The following SRSF3 variants were observed in gnomAD, a reference collection of about 807,000 sequenced individuals.
The protein encoded by SRSF3 is serine/arginine-rich splicing factor 3.
For synonymous variants in SRSF3, 87 were observed against 73.6 expected (o/e 1.18, Z -0.93); for missense variants, 58 against 217.1 (o/e 0.27, Z 4.61).
rs1778713372 is a variant in SRSF3, at chr6:36,601,378, G to A, written c.380+188G>A. ...GAAAGTATTTAATTTTTTAAAAAAG[G>A]ATCTGTCACCCAGGCTGGAGTGCAG... On this transcript the variant is annotated intron_variant, in intron 4 of 5. Coordinates refer to ENST00000373715, the MANE Select transcript of SRSF3 (RefSeq NM_003017.5). The A allele has an allele frequency of 1.3e-5, 8 of 638,958 alleles. No homozygotes were observed. In the South Asian group the frequency reaches 1.7e-4, roughly 14 times the overall value. 39.6% of individuals were successfully genotyped at this position (638,958 alleles called of 1,614,324 possible).
At position 36,601,690 on chromosome 6, in the gene SRSF3, G is replaced by A; in HGVS notation, c.381-18G>A. The stretch of plus-strand genomic sequence containing the variant: ...TTTATCATACCTCATTGGTCCTAAT[G>A]TTTTTTTGCTTGTTTAGGTCCCTTT... On this transcript the variant is annotated intron_variant, in intron 4 of 5. Coordinates refer to ENST00000373715, the MANE Select transcript of SRSF3 (RefSeq NM_003017.5). 4 of 1,581,620 alleles carry A rather than the reference G, an allele frequency of 2.5e-6. No individual in the cohort carries two copies. Among genetic ancestry groups the A allele is most frequent in the Non-Finnish European group, 3.5e-6 (4 of 1,155,108 alleles).
intron 2 of SRSF3, 134 bp from the exon 3 acceptor site, chr6:36,598,715 C>A: frequency 1.9e-6 from 2 of 1,073,710 alleles, no homozygotes; most frequent in Non-Finnish European, 2.7e-6. Context: ...AATAAGGGAG[C>A]TAGAAATTTG....
intron 3 of SRSF3, chr6:36,599,323 T>C (rs1302051958): frequency 4.4e-6 from 1 of 229,762 alleles, no homozygotes; most frequent in African/African-American, 2.3e-5. Flanking sequence ...ACTCTAGCTC[T>C]TCACAAATTT....
At chr6:36,597,095 A>ATATT in intron 2 of SRSF3, 127 bp downstream of exon 2, 1 of 493,862 alleles carries the variant, frequency 2.0e-6, no homozygotes. Context: ...TACAATTGGG[A>ATATT]TCTTTTTTTT....
intron 2 of SRSF3, among the ~76,000 whole-genome samples, chr6:36,597,802 T>C (rs1448333327): frequency 7.0e-6 from 1 of 143,292 alleles, no homozygotes; most frequent in African/African-American, 2.6e-5. Context: ...GGAATAATGG[T>C]CTTTTTTTTT....
intron 2 of SRSF3, chr6:36,598,382 A>G (rs1778665824): frequency 6.6e-6 from 1 of 152,152 alleles, no homozygotes; most frequent in Non-Finnish European, 1.5e-5. Flanking sequence ...AAACTGGGAA[A>G]CAAGCTTATT....
Position 36,598,835 on chromosome 6 carries a change from C to T in SRSF3, c.207-14C>T, listed in dbSNP as rs1426380721. 3.7e-6 allele frequency: 6 copies of T among 1,610,228 alleles called. No homozygotes were observed. The highest frequency in any genetic ancestry group is 4.2e-6 in the Non-Finnish European group (5 of 1,179,222). ...AGTCAGGCTGTTTTAAGTTTAATATCTTTGCCCCCTCAGAACACTATGTGG... is the reference window on the plus strand; with the variant it reads ...AGTCAGGCTGTTTTAAGTTTAATATTTTTGCCCCCTCAGAACACTATGTGG... On this transcript the variant is annotated splice_polypyrimidine_tract_variant and intron_variant, in intron 2 of 5. Coordinates refer to ENST00000373715, the MANE Select transcript of SRSF3 (RefSeq NM_003017.5).
chr6:36,597,044 T>G lies in SRSF3; in HGVS notation c.206+76T>G, dbSNP rs867574106. On this transcript the variant is annotated intron_variant, in intron 2 of 5. Transcript: ENST00000373715. ...TTAAAATCTACAGGATATGTGGCTC[T>G]TAGATGGCTTTCCCAATCACTGGCC... is the stretch of plus-strand genomic sequence containing the variant. 51 of 1,336,022 alleles carry G rather than the reference T, an allele frequency of 3.8e-5. 1 individual carries two copies. The Middle Eastern group carries it at 6.4e-3, about 167-fold the overall frequency. The allele number at this position is 1,336,022 out of a possible 1,614,324, so 82.8% of individuals were successfully genotyped here. A position where few individuals can be genotyped will look rare whatever the true frequency, so the allele number is the denominator to read the frequency against.
Position 36,601,777 on chromosome 6 carries a change from C to T in SRSF3, c.450C>T (p.Ser150=). The stretch of plus-strand genomic sequence containing the variant: ...AGAGAAATCACAAGCCGTCCCGATC[C>T]TTCTCTAGGTCTCGTAGGTAAGATC... ...SRERNHKPSR[S]FSRSRSRSRS... The change falls in exon 5 of 6, where the codon TCC becomes TCT. Residue 150 remains serine (S), a synonymous_variant. Coordinates refer to ENST00000373715, the MANE Select transcript of SRSF3 (RefSeq NM_003017.5). The T allele has an allele frequency of 6.2e-7, 1 of 1,609,266 alleles. No individual in the cohort carries two copies. Among genetic ancestry groups the T allele is most frequent in the South Asian group, 1.1e-5 (1 of 90,816 alleles).
At chr6:36,594,525 A>T (rs1225815124) in intron 1 of SRSF3, 44 bp downstream of exon 1, 1 of 152,332 alleles carries the variant, frequency 6.6e-6, no homozygotes, top group Non-Finnish European at 1.5e-5. Flanking sequence ...AATGGAATTT[A>T]ACAGTACCAA....
At chr6:36,594,627 G>C (rs1052909591) in intron 1 of SRSF3, 146 bp downstream of exon 1, 1 of 152,324 alleles carries the variant, frequency 6.6e-6, no homozygotes. Flanking sequence ...GGGGGCTCCC[G>C]GCCCATCGGA....
intron 2 of SRSF3, 126 bp from the exon 3 acceptor site, chr6:36,598,723 T>A (rs767970828): frequency 3.4e-5 from 39 of 1,156,666 alleles, no homozygotes; most frequent in Non-Finnish European, 4.8e-5. Context: ...AGCTAGAAAT[T>A]TGATGTTAAA....
In SRSF3 at chr6:36,604,237, T is replaced by G. The variant is rs1490060388; in HGVS notation, c.*2248T>G. 4.6e-6 allele frequency: 1 copy of G among 218,714 alleles called. No individual in the cohort carries two copies. The highest frequency in any genetic ancestry group is 2.2e-5 in the African/African-American group (1 of 44,630). The allele number at this position is 218,714 out of a possible 1,614,324, so 13.5% of individuals were successfully genotyped here. A position where few individuals can be genotyped will look rare whatever the true frequency, so the allele number is the denominator to read the frequency against. ...TAGACCTGTGGTTTAAGGATCAAGG[T>G]GTTCACTAGAAGTCACTGTTACTAA... On this transcript the variant is annotated 3_prime_UTR_variant, in exon 6 of 6. Transcript: ENST00000373715.
chr6:36,596,023 C>T (rs917699388), intron 1 of SRSF3, among the ~76,000 whole-genome samples: 35 of 151,910 alleles, frequency 2.3e-4, no homozygotes, highest in Non-Finnish European at 4.9e-4. Flanking sequence ...CTCGCGGGTT[C>T]AAGCGATTGT....
chr6:36,601,672 T>TA, intron 4 of SRSF3, 36 bp from the exon 5 acceptor site: 1 of 1,522,172 alleles, frequency 6.6e-7, no homozygotes, highest in Non-Finnish European at 9.0e-7. Flanking sequence ...AATTTTATCA[T>TA]ACCTCATTGG....
chr6:36,604,421 C>T lies in SRSF3; in HGVS notation c.*2432C>T. The T allele has an allele frequency of 5.1e-6, 1 of 196,718 alleles. No individual in the cohort carries two copies. The highest frequency in any genetic ancestry group is 1.9e-4 in the South Asian group (1 of 5,240). The allele number at this position is 196,718 out of a possible 1,614,324, so 12.2% of individuals were successfully genotyped here. On this transcript the variant is annotated 3_prime_UTR_variant, in exon 6 of 6. Transcript: ENST00000373715. ...GCCAGGAGTTGGAGACCAGTCTGCC[C>T]AACATGGCAAGATTCACATTTCTAT...
At position 36,602,405 on chromosome 6, in the gene SRSF3, A is replaced by G. The variant is rs1778732554; in HGVS notation, c.*416A>G. 3 of 235,454 alleles carry G rather than the reference A, an allele frequency of 1.3e-5. No homozygotes were observed. In the South Asian group the frequency reaches 5.3e-4, roughly 41 times the overall value. 14.6% of individuals were successfully genotyped at this position (235,454 alleles called of 1,614,324 possible). ...TATAGGCTGCAGCTATAGTTGAACA[A>G]GCAGTCTTTAAAAACTGCTGTGAAA... On this transcript the variant is annotated 3_prime_UTR_variant, in exon 6 of 6. Transcript: ENST00000373715.
rs1240953628 is a variant in SRSF3 at position 36,602,592 on chromosome 6, A to G, written c.*603A>G. ...CATAAGTTCCTTATTTGATTGCTGT[A>G]TATGGATACATGGCTGTTCGTGACA... is the stretch of plus-strand genomic sequence containing the variant. On this transcript the variant is annotated 3_prime_UTR_variant, in exon 6 of 6. Transcript: ENST00000373715. 4 of 217,286 alleles carry G rather than the reference A, an allele frequency of 1.8e-5. No homozygotes were observed. Among genetic ancestry groups the G allele is most frequent in the East Asian group, 6.8e-5 (1 of 14,618 alleles). 13.5% of individuals were successfully genotyped at this position (217,286 alleles called of 1,614,324 possible).
chr6:36,601,665 T>C (rs1174930901), intron 4 of SRSF3, 43 bp from the exon 5 acceptor site: 2 of 1,499,324 alleles, frequency 1.3e-6, no homozygotes, highest in Non-Finnish European at 1.8e-6. Flanking sequence ...TATGTATAAT[T>C]TTATCATACC....
Sources: allele counts gnomAD v4.1 joint callset (sites outside exome capture counted in the v4.1 genomes callset), GRCh38; gene constraint gnomAD v4.1.1; transcripts MANE v1.5; gene names NCBI Gene and HGNC (gene_info 2026-07-23, HGNC 2026-07-21).